The following DYSF variants were observed in gnomAD, a reference collection of about 807,000 sequenced individuals.
DYSF encodes the protein dystrophy-associated fer-1-like 1.
In DYSF, 212 loss-of-function variants were observed where a neutral mutation model predicts 274.9. The observed-to-expected ratio is 0.77, with a 90% CI of 0.69 to 0.86. The LOEUF is 0.86. Ranked by LOEUF, DYSF falls within the 40% of genes least tolerant of loss-of-function variation. DYSF has a pLI of 0.00. For missense variants in DYSF, 2,666 were observed against 2,783.2 expected (o/e 0.96, Z 0.95); for synonymous variants, 1,091 against 1,078.7 (o/e 1.01, Z -0.22).
intron 31 of DYSF, 63 bp from the exon 32 acceptor site, chr2:71,590,148 A>T: frequency 1.3e-6 from 2 of 1,555,588 alleles, no homozygotes; most frequent in East Asian, 4.5e-5. Flanking sequence ...CCTCCCCCCG[A>T]GCCCCAGCTC....
rs115170960 is a variant in DYSF at position 71,511,938 on chromosome 2, G to A, written c.460+17G>A. On this transcript the variant is annotated intron_variant, in intron 5 of 55. Transcript: ENST00000410020. ...TAGTGGCAGGTGGGTAGCCCACGTT[G>A]GCCTGGCTGGGCCCCAGCAAGAAGG... The A allele has an allele frequency of 1.6e-5, 23 of 1,474,048 alleles. No individual in the cohort carries two copies. In the South Asian group the frequency reaches 2.8e-4, roughly 18 times the overall value. The allele number at this position is 1,474,048 out of a possible 1,614,324, so 91.3% of individuals were successfully genotyped here. A position where few individuals can be genotyped will look rare whatever the true frequency, so the allele number is the denominator to read the frequency against.
intron 30 of DYSF, among the ~76,000 whole-genome samples, chr2:71,575,838 T>TG (rs34580547): frequency 0.25 from 37,262 of 152,088 alleles, 4,745 homozygotes; most frequent in East Asian, 0.36. Flanking sequence ...GCATTAGGCC[T>TG]GGCAGGAAAC....
intron 29 of DYSF, among the ~76,000 whole-genome samples, chr2:71,571,437 GATCACACCCAGCA>G (rs2092439245): frequency 1.3e-5 from 1 of 77,444 alleles, no homozygotes; most frequent in Non-Finnish European, 2.7e-5. Flanking sequence ...AGCACACACA[GATCACACCCAGCA>G]CACACACAGA....
intron 22 of DYSF, among the ~76,000 whole-genome samples, chr2:71,561,073 C>G (rs2091721161): frequency 6.6e-6 from 1 of 152,166 alleles, no homozygotes; most frequent in Non-Finnish European, 1.5e-5. Flanking sequence ...TTCTTTGCCT[C>G]TAAACAGGAT....
intron 39 of DYSF, 65 bp from the exon 40 acceptor site, chr2:71,613,269 G>T: frequency 1.4e-6 from 2 of 1,478,414 alleles, no homozygotes; most frequent in Non-Finnish European, 1.9e-6. Flanking sequence ...TGAGCCCTGG[G>T]GCTGGTGAGG....
At chr2:71,605,864 G>T (rs1025945528) in intron 36 of DYSF, among the ~76,000 whole-genome samples, 10 of 151,990 alleles carry the variant, frequency 6.6e-5, no homozygotes, top group Non-Finnish European at 1.5e-4. Context: ...TTTTTCCTGG[G>T]AAGTGTAATT....
At chr2:71,598,196 G>A (rs969285586) in intron 32 of DYSF, among the ~76,000 whole-genome samples, 1 of 152,240 alleles carries the variant, frequency 6.6e-6, no homozygotes, top group African/African-American at 2.4e-5. Context: ...CATAAAGAAG[G>A]CACTCAATAC....
At position 71,668,752 on chromosome 2, in the gene DYSF, A is replaced by C. The variant is rs398123792; in HGVS notation, c.5458-2A>C. On this transcript the variant is annotated splice_acceptor_variant, in intron 48 of 55. Transcript: ENST00000410020. LOFTEE classifies it high-confidence loss of function. ...GGGAGAGAACGGACCCTGTCTCCGC[A>C]GGGGAAGCTGCAGATGTGGGTCGAC... 10 of 1,613,456 alleles carry C rather than the reference A, an allele frequency of 6.2e-6. No homozygotes were observed. The South Asian group carries it at 1.1e-4, about 18-fold the overall frequency.
chr2:71,583,189 A>C (rs898533195), intron 30 of DYSF, among the ~76,000 whole-genome samples: 1 of 152,144 alleles, frequency 6.6e-6, no homozygotes, highest in African/African-American at 2.4e-5. Flanking sequence ...GGCTTGCAGA[A>C]TTCCTGAAAA....
intron 1 of DYSF, among the ~76,000 whole-genome samples, chr2:71,479,673 G>A (rs193211008): frequency 6.6e-6 from 1 of 152,310 alleles, no homozygotes; most frequent in African/African-American, 2.4e-5. Flanking sequence ...CTGGGGACAG[G>A]CACTTGCCCC....
chr2:71,474,185 C>T lies in DYSF; in HGVS notation c.92-6698C>T, dbSNP rs149005360. On this transcript the variant is annotated intron_variant, in intron 1 of 55. Coordinates refer to ENST00000410020, the MANE Select transcript of DYSF (RefSeq NM_001130987.2). ...AGGTGATCCACCCGCATCCACCTCC[C>T]AAAGTGCTGGGATTACAGGCGTGAG... Among the ~76,000 whole-genome samples, 1,404 of 152,300 alleles carry T rather than the reference C, an allele frequency of 9.2e-3. 15 individuals are homozygous for T. The highest frequency in any genetic ancestry group is 0.03 in the African/African-American group (1,248 of 41,542).
At chr2:71,618,312 G>A (rs1418614403) in intron 40 of DYSF, among the ~76,000 whole-genome samples, 2 of 122,226 alleles carry the variant, frequency 1.6e-5, no homozygotes, top group Admixed American at 1.7e-4. Flanking sequence ...GGTGGTGTGT[G>A]TGTGTGTGGT....
At chr2:71,463,326 G>C (rs910819637), upstream of DYSF, among the ~76,000 whole-genome samples, 1 of 152,246 alleles carries the variant, frequency 6.6e-6, no homozygotes, top group Non-Finnish European at 1.5e-5. Context: ...GGAGTTGGGA[G>C]AGGCCAGAGA....
rs571450814 is a variant in DYSF, at chr2:71,632,634, T to C, written c.4528-11331T>C. 2.1e-4 allele frequency among the ~76,000 whole-genome samples: 32 copies of C among 152,310 alleles called. No homozygotes were observed. In the South Asian group the frequency reaches 5.2e-3, roughly 25 times the overall value. ...ATTGGAATTGTCACAGATTCTGAAT[T>C]AGTCATGTTTTGTTGCTTTCTTCAT... is the stretch of plus-strand genomic sequence containing the variant. On this transcript the variant is annotated intron_variant, in intron 41 of 55. Transcript: ENST00000410020.
intron 23 of DYSF, among the ~76,000 whole-genome samples, chr2:71,563,258 A>G (rs1032325595): frequency 6.6e-6 from 1 of 152,138 alleles, no homozygotes; most frequent in African/African-American, 2.4e-5. Flanking sequence ...TCACCTGTCA[A>G]ATGGGGCTGC....
chr2:71,555,373 C>T (rs780886636), intron 21 of DYSF, among the ~76,000 whole-genome samples: 8 of 152,086 alleles, frequency 5.3e-5, no homozygotes, highest in Non-Finnish European at 7.4e-5. Flanking sequence ...GGCTGAGGGA[C>T]AGTCCTTGGC....
chr2:71,650,321 A>C (rs2094634014), intron 42 of DYSF, among the ~76,000 whole-genome samples: 1 of 152,086 alleles, frequency 6.6e-6, no homozygotes, highest in Admixed American at 6.5e-5. Context: ...TCTCTACAAA[A>C]AATACAAAAA....
chr2:71,570,555 G>T (rs1402744645), intron 28 of DYSF, 44 bp from the exon 29 acceptor site: 6 of 1,608,592 alleles, frequency 3.7e-6, no homozygotes, highest in South Asian at 1.1e-5. Context: ...AGGAGAGATG[G>T]GGGGAACTGC....
Position 71,679,233 on chromosome 2 carries a change from G to A in DYSF, c.6061G>A (p.Ala2021Thr). ...AGAAGAGGGTGAGAAGAAAATACTG[G>A]CGGTAAGTCTACTTCCTCCAGCCCC... is the stretch of plus-strand genomic sequence containing the variant. ...VAEEGEKKILAGKLEMTLEIV... is the reference protein window; with the variant it reads ...VAEEGEKKILTGKLEMTLEIV... Residue 2021 changes from alanine (A) to threonine (T), a missense_variant and splice_region_variant, in exon 53 of 56, where the codon GCG (alanine) becomes ACG (threonine). Physicochemically the swap from Ala to Thr is moderately conservative, Grantham distance 58. Transcript: ENST00000410020. The A allele has an allele frequency of 1.2e-6, 2 of 1,613,956 alleles. No individual in the cohort carries two copies. Among genetic ancestry groups the A allele is most frequent in the Non-Finnish European group, 1.7e-6 (2 of 1,179,924 alleles).
Sources: gnomAD v4.1 joint callset for allele counts (sites outside exome capture counted in the v4.1 genomes callset) on GRCh38, gnomAD v4.1.1 for gene constraint, MANE v1.5 for transcripts, NCBI Gene and HGNC (gene_info 2026-07-23, HGNC 2026-07-21) for gene names.